WWOX: variants seen among roughly 807,000 people sequenced by gnomAD.
WWOX encodes the protein WW domain-containing oxidoreductase.
WWOX carries 69 observed loss-of-function variants against 46.2 expected under a neutral mutation model. The observed-to-expected ratio is 1.49, with a 90% CI of 1.23 to 1.82. WWOX has a LOEUF of 1.82. Ranked by LOEUF, WWOX falls within the 40% of genes most tolerant of loss-of-function variation. The pLI is 0.00. For synonymous variants in WWOX, 359 were observed against 202.6 expected, an observed-to-expected ratio of 1.77 and a Z score of -6.56; for missense variants, 919 against 542.6, an observed-to-expected ratio of 1.69 and a Z score of -6.89.
intron 2 of WWOX, among the ~76,000 whole-genome samples, chr16:78,109,137 A>G (rs2032335189): frequency 6.6e-6 from 1 of 152,188 alleles, no homozygotes; most frequent in South Asian, 2.1e-4. Context: ...GAAATTTCGT[A>G]AAGATTACCA....
At chr16:78,900,239 T>C (rs544237876) in intron 8 of WWOX, among the ~76,000 whole-genome samples, 1 of 152,198 alleles carries the variant, frequency 6.6e-6, no homozygotes, top group East Asian at 1.9e-4. Context: ...AAGTCTTTTC[T>C]CCTCCTGTTT....
At chr16:78,353,355 A>C (rs2081220657) in intron 5 of WWOX, among the ~76,000 whole-genome samples, 1 of 152,224 alleles carries the variant, frequency 6.6e-6, no homozygotes, top group Admixed American at 6.5e-5. Context: ...AGCTATGAAC[A>C]GATGCCACAG....
At chr16:78,657,180 C>G (rs1347939945) in intron 8 of WWOX, among the ~76,000 whole-genome samples, 1 of 152,160 alleles carries the variant, frequency 6.6e-6, no homozygotes, top group African/African-American at 2.4e-5. Flanking sequence ...TGAGGTTTGT[C>G]ATTTTTACTC....
At chr16:78,652,479 C>T (rs555033074) in intron 8 of WWOX, among the ~76,000 whole-genome samples, 1 of 145,502 alleles carries the variant, frequency 6.9e-6, no homozygotes, top group South Asian at 2.2e-4. Flanking sequence ...ATTCCAAATA[C>T]AATTGAGGAC....
At chr16:78,366,549 T>G (rs1404296089) in intron 5 of WWOX, among the ~76,000 whole-genome samples, 1 of 152,194 alleles carries the variant, frequency 6.6e-6, no homozygotes, top group Non-Finnish European at 1.5e-5. Flanking sequence ...AAAATAGTGG[T>G]CAACTAACTG....
intron 8 of WWOX, among the ~76,000 whole-genome samples, chr16:78,811,881 C>G (rs74532737): frequency 0.015 from 2,314 of 152,322 alleles, 29 homozygotes; most frequent in Non-Finnish European, 0.024. Context: ...AAGCCTCTCT[C>G]TTCTTACTGA....
chr16:78,618,005 G>A (rs2046070448), intron 8 of WWOX, among the ~76,000 whole-genome samples: 1 of 152,034 alleles, frequency 6.6e-6, no homozygotes, highest in Non-Finnish European at 1.5e-5. Context: ...AGTGTTTATT[G>A]AGCACCTGCT....
intron 8 of WWOX, among the ~76,000 whole-genome samples, chr16:78,576,034 T>A (rs543723500): frequency 3.0e-4 from 46 of 152,310 alleles, no homozygotes; most frequent in South Asian, 1.9e-3. Flanking sequence ...AGGCTTTTTT[T>A]AATCTAGAAT....
chr16:78,687,434 A>G (rs923662298), intron 8 of WWOX, among the ~76,000 whole-genome samples: 2 of 152,198 alleles, frequency 1.3e-5, no homozygotes. Flanking sequence ...ATGCTGATAA[A>G]TATTTATCAC....
intron 6 of WWOX, among the ~76,000 whole-genome samples, chr16:78,406,042 T>A (rs1407964740): frequency 1.3e-5 from 2 of 152,030 alleles, no homozygotes; most frequent in Non-Finnish European, 2.9e-5. Flanking sequence ...TGACTAACAT[T>A]TTCTGAGGGT....
At chr16:78,633,098 A>C (rs2046477135) in intron 8 of WWOX, among the ~76,000 whole-genome samples, 2 of 152,018 alleles carry the variant, frequency 1.3e-5, no homozygotes, top group Non-Finnish European at 2.9e-5. Flanking sequence ...CCCTGTCTCT[A>C]CTACAAATAA....
intron 8 of WWOX, among the ~76,000 whole-genome samples, chr16:79,003,087 C>G (rs1233833310): frequency 6.6e-6 from 1 of 152,188 alleles, no homozygotes; most frequent in Non-Finnish European, 1.5e-5. Flanking sequence ...ACTCTTCCCC[C>G]TGAAAAACCT....
intron 8 of WWOX, among the ~76,000 whole-genome samples, chr16:79,012,247 T>C (rs955270987): frequency 1.3e-5 from 2 of 152,122 alleles, no homozygotes; most frequent in Non-Finnish European, 2.9e-5. Context: ...TAATTTTTCT[T>C]TTTGAGATGG....
chr16:78,612,329 C>G (rs2045920885), intron 8 of WWOX, among the ~76,000 whole-genome samples: 1 of 152,234 alleles, frequency 6.6e-6, no homozygotes, highest in Non-Finnish European at 1.5e-5. Flanking sequence ...TAGACAAGCT[C>G]TTTGTGTCCA....
At chr16:78,358,074 C>G (rs1166167654) in intron 5 of WWOX, among the ~76,000 whole-genome samples, 1 of 152,202 alleles carries the variant, frequency 6.6e-6, no homozygotes, top group East Asian at 1.9e-4. Flanking sequence ...TCTGCATACA[C>G]TTGGAACTAG....
intron 8 of WWOX, among the ~76,000 whole-genome samples, chr16:78,440,929 C>A (rs1290318784): frequency 2.0e-5 from 3 of 151,894 alleles, no homozygotes; most frequent in African/African-American, 7.3e-5. Context: ...CCTGTAGTTT[C>A]TTTTTCTTTT....
At chr16:78,640,336 C>G (rs757466134) in intron 8 of WWOX, among the ~76,000 whole-genome samples, 2 of 146,746 alleles carry the variant, frequency 1.4e-5, no homozygotes, top group African/African-American at 5.2e-5. Flanking sequence ...CTCTGACTTC[C>G]CTTGAAAATT....
At chr16:78,836,494 G>A (rs990734734) in intron 8 of WWOX, among the ~76,000 whole-genome samples, 2 of 152,078 alleles carry the variant, frequency 1.3e-5, no homozygotes, top group African/African-American at 4.8e-5. Flanking sequence ...ATCTCACATT[G>A]GTATTTTCAG....
At chr16:78,980,946 T>C (rs1026247430) in intron 8 of WWOX, among the ~76,000 whole-genome samples, 1 of 152,186 alleles carries the variant, frequency 6.6e-6, no homozygotes, top group Non-Finnish European at 1.5e-5. Context: ...GATCGAGTGA[T>C]ATAAAGTCAC....
Sources: allele counts gnomAD v4.1 joint callset (sites outside exome capture counted in the v4.1 genomes callset), GRCh38; gene constraint gnomAD v4.1.1; transcripts MANE v1.5; gene names NCBI Gene and HGNC (gene_info 2026-07-23, HGNC 2026-07-21).